Variants in MAPKBP1 observed in about 807,000 individuals in gnomAD.
MAPKBP1 encodes the protein mitogen-activated protein kinase binding protein 1.
Under a neutral mutation model 170.5 loss-of-function variants are expected in MAPKBP1, and 71 were observed. That is an observed-to-expected ratio of 0.42 (90% CI 0.34 to 0.51). The LOEUF (loss-of-function observed/expected upper bound fraction) is 0.51, where lower values mean the gene tolerates loss of function less well. MAPKBP1 is among the 20% of genes least tolerant of loss of function. The probability of loss-of-function intolerance (pLI) is 0.06; values close to 1 mark genes in which losing one functional copy is unlikely to be tolerated. For synonymous variants in MAPKBP1, 719 were observed against 757.9 expected (o/e 0.95, Z 0.84); for missense variants, 1,598 against 1,933.0 (o/e 0.83, Z 3.25).
intron 2 of MAPKBP1, among the ~76,000 whole-genome samples, chr15:41,795,630 A>C (rs910035285): frequency 6.6e-6 from 1 of 152,072 alleles, no homozygotes. Context: ...TTTTTGAGAC[A>C]GAGTCTCGCT....
intron 2 of MAPKBP1, among the ~76,000 whole-genome samples, chr15:41,781,582 G>A (rs2064189625): frequency 6.6e-6 from 1 of 152,194 alleles, no homozygotes; most frequent in Middle Eastern, 3.4e-3. Context: ...GTTTGAGGCT[G>A]CAGTGAGCTA....
intron 2 of MAPKBP1, among the ~76,000 whole-genome samples, chr15:41,785,574 A>T (rs1363009639): frequency 5.9e-5 from 9 of 152,192 alleles, no homozygotes; most frequent in Non-Finnish European, 1.3e-4. Context: ...TCTAATTTAT[A>T]TTGACAAATA....
At chr15:41,795,784 T>C (rs1009878801) in intron 2 of MAPKBP1, among the ~76,000 whole-genome samples, 16 of 152,116 alleles carry the variant, frequency 1.1e-4, no homozygotes, top group Non-Finnish European at 1.6e-4. Flanking sequence ...TTTTTTTTTG[T>C]ATTTTTATTA....
Position 41,819,227 on chromosome 15 carries a change from T to A in MAPKBP1, c.2292-19T>A, listed in dbSNP as rs2064944541. The A allele has an allele frequency of 1.2e-6, 2 of 1,612,334 alleles. No individual in the cohort carries two copies. The highest frequency in any genetic ancestry group is 4.5e-5 in the East Asian group (2 of 44,806). On this transcript the variant is annotated intron_variant, in intron 20 of 30. Transcript: ENST00000457542. ...TATTGAGTCTCCTCTCCCCATGCCC[T>A]TCCTTGTCTCGGACTCAGGCACCAG...
In MAPKBP1 at chr15:41,823,537, C is replaced by T. The variant is rs1255511600; in HGVS notation, c.3689C>T (p.Pro1230Leu). Residue 1230 changes from proline to leucine, a missense_variant, in exon 29 of 31, where the codon CCA (proline) becomes CTA (leucine). Physicochemically the swap from Pro to Leu is moderately conservative, Grantham distance 98. Around this residue, in one of 6 missense-constraint regions of MAPKBP1, gnomAD observed 942 missense variants for 953.2 expected, o/e 0.99. Coordinates refer to ENST00000457542, the MANE Select transcript of MAPKBP1 (RefSeq NM_014994.3). The stretch of plus-strand genomic sequence containing the variant: ...CAGGATGGTCTGGGCTCCCTGCCCC[C>T]AGCTGATGGCCGTCCGTCTCGGCCT... ...EAQDGLGSLPPADGRPSRPHS... is the reference protein window; with the variant it reads ...EAQDGLGSLPLADGRPSRPHS... 8.7e-6 allele frequency: 14 copies of T among 1,614,070 alleles called. No individual in the cohort carries two copies. The highest frequency in any genetic ancestry group is 3.3e-5 in the Admixed American group (2 of 60,010).
Position 41,816,430 on chromosome 15 carries a change from C to T in MAPKBP1, c.1494-129C>T, listed in dbSNP as rs2064892106. The T allele has an allele frequency of 4.8e-6, 3 of 626,076 alleles. No individual in the cohort carries two copies. The East Asian group carries it at 8.2e-5, about 17-fold the overall frequency. 38.8% of individuals were successfully genotyped at this position (626,076 alleles called of 1,614,324 possible). A position where few individuals can be genotyped will look rare whatever the true frequency, so the allele number is the denominator to read the frequency against. On this transcript the variant is annotated intron_variant, in intron 12 of 30. Transcript: ENST00000457542. ...GAAATATAGACGCTCTCTGTTCTTT[C>T]AGCAACTTTTCTCTAAGCCTAAAAG...
Position 41,825,245 on chromosome 15 carries a change from C to G in MAPKBP1, c.4336C>G (p.Arg1446Gly), listed in dbSNP as rs917486599. The G allele has an allele frequency of 6.2e-7, 1 of 1,600,904 alleles. No homozygotes were observed. The highest frequency in any genetic ancestry group is 8.5e-7 in the Non-Finnish European group (1 of 1,169,950). The change falls in exon 31 of 31, where the codon CGG (arginine) becomes GGG (glycine). Residue 1446 changes from arginine (R) to glycine (G), a missense_variant. Physicochemically the swap from Arg to Gly is moderately radical, Grantham distance 125 (BLOSUM62 -2). Around this residue, in one of 6 missense-constraint regions of MAPKBP1, gnomAD observed 942 missense variants for 953.2 expected, o/e 0.99. Transcript: ENST00000457542. ...CAAGATGCCCTCAGCAGAGCAAAGT[C>G]GGATTGCCCAGCTCCTCAGAGACAC... Reference protein sequence around the residue: ...GCKMPSAEQSRIAQLLRDTFS... With the variant: ...GCKMPSAEQSGIAQLLRDTFS...
chr15:41,798,641 A>G (rs1169087600), intron 2 of MAPKBP1, among the ~76,000 whole-genome samples: 4 of 152,154 alleles, frequency 2.6e-5, no homozygotes, highest in Admixed American at 2.6e-4. Flanking sequence ...AGAAACTCCA[A>G]AACTGTCCTA....
At position 41,822,855 on chromosome 15, in the gene MAPKBP1, C is replaced by T. The variant is rs372219555; in HGVS notation, c.3315-84C>T. The T allele has an allele frequency of 9.4e-5, 142 of 1,516,768 alleles. 2 individuals carry two copies. In the South Asian group the frequency reaches 1.6e-3, roughly 17 times the overall value. 94.0% of individuals were successfully genotyped at this position (1,516,768 alleles called of 1,614,324 possible). On this transcript the variant is annotated intron_variant, in intron 27 of 30. Transcript: ENST00000457542. ...CTTTGTGCTTGTTCTCTCCTAGTGC[C>T]CTGGTGCTATGAGTTTCTCGCCATT...
intron 2 of MAPKBP1, among the ~76,000 whole-genome samples, chr15:41,787,146 T>C (rs762471053): frequency 2.0e-5 from 3 of 152,100 alleles, no homozygotes; most frequent in Non-Finnish European, 2.9e-5. Context: ...CAGTTTCTAA[T>C]ATCTTCAAAA....
intron 27 of MAPKBP1, 120 bp downstream of exon 27, chr15:41,822,797 T>G (rs1423029802): frequency 1.0e-5 from 15 of 1,450,468 alleles, no homozygotes; most frequent in Non-Finnish European, 1.4e-5. Context: ...CTCCCAGTTT[T>G]GGGCTAACTG....
chr15:41,792,466 A>T (rs1052069605), intron 2 of MAPKBP1, among the ~76,000 whole-genome samples: 1 of 152,152 alleles, frequency 6.6e-6, no homozygotes, highest in African/African-American at 2.4e-5. Context: ...CCACCTGCCA[A>T]AGCAAAAGCT....
chr15:41,786,777 A>AAAAAAAAATATAT lies in MAPKBP1; in HGVS notation c.114+11389_114+11390insAAAAAAATATATA. ...CAGACTCCGTCTAAAAAAAAAAAAA[A>AAAAAAAAATATAT]ATATATATATATATATATATATATA... On this transcript the variant is annotated intron_variant, in intron 2 of 30. Coordinates refer to ENST00000457542, the MANE Select transcript of MAPKBP1 (RefSeq NM_014994.3). Among the ~76,000 whole-genome samples the AAAAAAAAATATAT allele has an allele frequency of 1.6e-3, 51 of 32,440 alleles. 4 individuals carry two copies. The highest frequency in any genetic ancestry group is 0.015 in the South Asian group (15 of 994). 21.3% of individuals were successfully genotyped at this position (32,440 alleles called of 152,430 possible). A position where few individuals can be genotyped will look rare whatever the true frequency, so the allele number is the denominator to read the frequency against.
At chr15:41,802,762 C>G (rs1362275794) in intron 3 of MAPKBP1, among the ~76,000 whole-genome samples, 1 of 152,248 alleles carries the variant, frequency 6.6e-6, no homozygotes, top group African/African-American at 2.4e-5. Flanking sequence ...GCATGAGCTA[C>G]TGTGCCTGAC....
chr15:41,801,767 T>G (rs907596940), intron 3 of MAPKBP1, among the ~76,000 whole-genome samples: 2 of 152,078 alleles, frequency 1.3e-5, no homozygotes, highest in Non-Finnish European at 2.9e-5. Flanking sequence ...TGAGAATCAC[T>G]TGAACCCAGG....
chr15:41,826,555 C>T lies in MAPKBP1; in HGVS notation c.*1119C>T, dbSNP rs2065100105. The T allele has an allele frequency of 6.6e-6, 1 of 151,918 alleles. No homozygotes were observed. Among genetic ancestry groups the T allele is most frequent in the Non-Finnish European group, 1.5e-5 (1 of 68,016 alleles). 9.4% of individuals were successfully genotyped at this position (151,918 alleles called of 1,614,324 possible). On this transcript the variant is annotated 3_prime_UTR_variant, in exon 31 of 31. Transcript: ENST00000457542. ...GGGAGCAGAAAAGGGGTGCAGTACA[C>T]TAAGTGAACCCAGATTCTGGATTCT...
At chr15:41,819,949 TATC>T (rs1374981238) in intron 22 of MAPKBP1, among the ~76,000 whole-genome samples, 6 of 152,020 alleles carry the variant, frequency 3.9e-5, no homozygotes, top group African/African-American at 1.5e-4. Flanking sequence ...TGGAAGTAAA[TATC>T]ATCAGAGAAG....
intron 2 of MAPKBP1, among the ~76,000 whole-genome samples, chr15:41,789,378 T>G (rs2064355855): frequency 6.6e-6 from 1 of 152,098 alleles, no homozygotes; most frequent in Non-Finnish European, 1.5e-5. Context: ...CTGATAACTG[T>G]GGAAGAGAAA....
intron 2 of MAPKBP1, among the ~76,000 whole-genome samples, chr15:41,793,884 G>T (rs574057540): frequency 2.0e-5 from 3 of 152,310 alleles, no homozygotes; most frequent in South Asian, 4.2e-4. Context: ...ACATGTCAAA[G>T]AATTATACAA....
Sources: allele counts gnomAD v4.1 joint callset (sites outside exome capture counted in the v4.1 genomes callset), GRCh38; gene constraint gnomAD v4.1.1; regional missense constraint gnomAD v4.1.1; transcripts MANE v1.5; gene names NCBI Gene and HGNC (gene_info 2026-07-23, HGNC 2026-07-21).